The following PRAG1 variants were observed in gnomAD, a reference collection of about 807,000 sequenced individuals.
PRAG1 encodes PEAK1 related, kinase-activating pseudokinase 1.
A neutral mutation model predicts 95.6 loss-of-function variants in PRAG1; 110 were observed. The ratio of observed to expected loss-of-function variants is 1.15; its 90% CI spans 0.99 to 1.35. PRAG1 has a LOEUF of 1.35. Among genes scored for constraint, PRAG1 ranks in the 40% most tolerant of loss-of-function variants. The probability of loss-of-function intolerance (pLI) is 0.00; values close to 1 mark genes in which losing one functional copy is unlikely to be tolerated. For missense variants in PRAG1, 2,554 were observed against 1,864.7 expected, an observed-to-expected ratio of 1.37 and a Z score of -6.81; for synonymous variants, 1,052 against 819.4, an observed-to-expected ratio of 1.28 and a Z score of -4.85.
intron 3 of PRAG1, among the ~76,000 whole-genome samples, chr8:8,346,835 C>T (rs1448949280): frequency 6.6e-6 from 1 of 152,206 alleles, no homozygotes; most frequent in African/African-American, 2.4e-5. Flanking sequence ...GGTTCACATA[C>T]ATTTGGCCGA....
At chr8:8,364,909 G>C (rs1266199985) in intron 3 of PRAG1, among the ~76,000 whole-genome samples, 1 of 152,110 alleles carries the variant, frequency 6.6e-6, no homozygotes, top group African/African-American at 2.4e-5. Flanking sequence ...ACACAGACAA[G>C]CATTGAGAGT....
intron 3 of PRAG1, among the ~76,000 whole-genome samples, chr8:8,341,254 G>A (rs147629228): frequency 6.6e-5 from 10 of 152,134 alleles, no homozygotes; most frequent in Admixed American, 2.0e-4. Flanking sequence ...CAAACTTCAT[G>A]AAATGTATGT....
chr8:8,354,197 T>A (rs926792614), intron 3 of PRAG1, among the ~76,000 whole-genome samples: 1 of 152,082 alleles, frequency 6.6e-6, no homozygotes, highest in African/African-American at 2.4e-5. Context: ...AATGGATAAA[T>A]TCCTAGATTC....
At position 8,328,390 on chromosome 8, in the gene PRAG1, A is replaced by T. The variant is rs771400118; in HGVS notation, c.2392T>A (p.Ser798Thr). The change falls in exon 5 of 6, where the codon TCA becomes ACA. Residue 798 changes from serine (S) to threonine (T), a missense_variant. Ser to Thr is a moderately conservative substitution (Grantham distance 58, BLOSUM62 1). Transcript: ENST00000615670. ...KKLFAPVPFP[S>T]GSTEDVSPSG... ...GGGGACACGTCCTCAGTGGAGCCTG[A>T]AGGAAACGGAACGGGAGCAAAGAGC... The T allele has an allele frequency of 1.4e-5, 22 of 1,613,602 alleles. No individual in the cohort carries two copies. Among genetic ancestry groups the T allele is most frequent in the Non-Finnish European group, 1.6e-5 (19 of 1,180,004 alleles).
chr8:8,333,125 G>C (rs2117129289), intron 4 of PRAG1, among the ~76,000 whole-genome samples: 1 of 152,342 alleles, frequency 6.6e-6, no homozygotes, highest in South Asian at 2.1e-4. Flanking sequence ...GTGTTGGATT[G>C]CTGTTTCCAA....
Position 8,318,114 on chromosome 8 carries a change from G to A in PRAG1, c.*40C>T. ...TCCAAGGCGAGACAGGAAAGGGTTA[G>A]GCAGGGAAGGGGCAGCGACGGTGCA... On this transcript the variant is annotated 3_prime_UTR_variant, in exon 6 of 6. Coordinates refer to ENST00000615670, the MANE Select transcript of PRAG1 (RefSeq NM_001080826.3). The surrounding 1 kb of genome is among the most constrained non-coding windows in gnomAD (Gnocchi z 4.2). 3 of 1,568,508 alleles carry A rather than the reference G, an allele frequency of 1.9e-6. No individual in the cohort carries two copies. Among genetic ancestry groups the A allele is most frequent in the Non-Finnish European group, 1.7e-6 (2 of 1,157,242 alleles).
rs773565395 is a variant in PRAG1 at position 8,318,894 on chromosome 8, C to G, written c.3481G>C (p.Gly1161Arg). 6 of 1,469,462 alleles carry G rather than the reference C, an allele frequency of 4.1e-6. No homozygotes were observed. In the South Asian group the frequency reaches 5.5e-5, roughly 13 times the overall value. The allele number at this position is 1,469,462 out of a possible 1,614,324, so 91.0% of individuals were successfully genotyped here. A position where few individuals can be genotyped will look rare whatever the true frequency, so the allele number is the denominator to read the frequency against. The change falls in exon 6 of 6, where the codon GGC becomes CGC. Residue 1161 changes from glycine (G) to arginine (R), a missense_variant. Transcript: ENST00000615670. This position sits in a 1 kb window ranked among gnomAD's most constrained non-coding sequence, Gnocchi z 4.2. Reference sequence around the variant, plus strand: ...GCGGGGGCGGGGGCGGGCCCGGGGCCGGCCTGGAGGGTGCAGTGCACCAGC... The same window carrying G: ...GCGGGGGCGGGGGCGGGCCCGGGGCGGGCCTGGAGGGTGCAGTGCACCAGC... Reference protein sequence around the residue: ...LLLVHCTLQAGPGPAPAPAPA... With the variant: ...LLLVHCTLQARPGPAPAPAPA...
At position 8,347,585 on chromosome 8, in the gene PRAG1, C is replaced by G. The variant is rs1585243956; in HGVS notation, c.2163-7950G>C. Among the ~76,000 whole-genome samples, 3 of 136,606 alleles carry G rather than the reference C, an allele frequency of 2.2e-5. No homozygotes were observed. The East Asian group carries it at 5.8e-4, about 26-fold the overall frequency. 89.6% of individuals were successfully genotyped at this position (136,606 alleles called of 152,430 possible). On this transcript the variant is annotated intron_variant, in intron 3 of 5. Coordinates refer to ENST00000615670, the MANE Select transcript of PRAG1 (RefSeq NM_001080826.3). The stretch of plus-strand genomic sequence containing the variant: ...CGAGTTTTCTTGGTGGATAAGAACA[C>G]TCTGTTTTTAACTTATCATATGCCT...
At chr8:8,354,185 AAAATGGAT>A (rs1361305321) in intron 3 of PRAG1, among the ~76,000 whole-genome samples, 4 of 152,150 alleles carry the variant, frequency 2.6e-5, no homozygotes, top group African/African-American at 9.6e-5. Context: ...TGACAGAGAG[AAAATGGAT>A]AAATTCCTAG....
intron 2 of PRAG1, among the ~76,000 whole-genome samples, chr8:8,380,852 C>CAA (rs71217290): frequency 8.4e-4 from 54 of 64,358 alleles, no homozygotes; most frequent in African/African-American, 1.9e-3. Context: ...GACTCCATCT[C>CAA]AAAAAAAAAA....
intron 3 of PRAG1, among the ~76,000 whole-genome samples, chr8:8,360,693 C>G (rs978623054): frequency 2.0e-5 from 3 of 152,246 alleles, no homozygotes; most frequent in Non-Finnish European, 4.4e-5. Context: ...CTTTCTTGGT[C>G]TAAATCTGCA....
Position 8,318,310 on chromosome 8 carries a change from G to A in PRAG1, c.4065C>T (p.Ile1355=), listed in dbSNP as rs1156293459. 4 of 1,614,168 alleles carry A rather than the reference G, an allele frequency of 2.5e-6. No homozygotes were observed. Among genetic ancestry groups the A allele is most frequent in the Non-Finnish European group, 3.4e-6 (4 of 1,179,994 alleles). Residue 1355 remains isoleucine (I), a synonymous_variant, in exon 6 of 6, where the codon ATC becomes ATT. Transcript: ENST00000615670. The surrounding 1 kb of genome is among the most constrained non-coding windows in gnomAD (Gnocchi z 4.2). The part of the protein sequence containing the change: ...EALCGTLHNW[I]DMKRALMMMK... ...TCATCATCAGGGCCCGCTTCATGTC[G>A]ATCCAGTTGTGCAGCGTGCCGCACA...
intron 3 of PRAG1, among the ~76,000 whole-genome samples, chr8:8,340,482 C>A (rs760847726): frequency 3.9e-5 from 6 of 152,264 alleles, no homozygotes; most frequent in Non-Finnish European, 7.3e-5. Flanking sequence ...TCCAGCTCTT[C>A]CCCTGCTGGT....
In PRAG1 at chr8:8,353,624, T is replaced by C. The variant is rs550325834; in HGVS notation, c.2163-13989A>G. Reference sequence around the variant, plus strand: ...AAAGAAAGATCCCAAATAAATAGTATAACATTATATACCTCAAAGAAGTAG... The same window carrying C: ...AAAGAAAGATCCCAAATAAATAGTACAACATTATATACCTCAAAGAAGTAG... On this transcript the variant is annotated intron_variant, in intron 3 of 5. Transcript: ENST00000615670. Among the ~76,000 whole-genome samples the C allele has an allele frequency of 2.0e-5, 3 of 152,242 alleles. No individual in the cohort carries two copies. In the East Asian group the frequency reaches 5.8e-4, roughly 29 times the overall value.
Position 8,376,418 on chromosome 8 carries a change from T to G in PRAG1, c.1991A>C (p.Asp664Ala). ...WGRETKNGPT[D>A]HSNSTTWHRL... Reference sequence around the variant, plus strand: ...GTGCCAGGTCGTGGAGTTTGAATGGTCCGTGGGGCCATTTTTGGTCTCTCT... The same window carrying G: ...GTGCCAGGTCGTGGAGTTTGAATGGGCCGTGGGGCCATTTTTGGTCTCTCT... Residue 664 changes from aspartate (D) to alanine (A), a missense_variant, in exon 3 of 6, where the codon GAC becomes GCC. Asp to Ala is a moderately radical substitution (Grantham distance 126). Coordinates refer to ENST00000615670, the MANE Select transcript of PRAG1 (RefSeq NM_001080826.3). 2 of 1,614,184 alleles carry G rather than the reference T, an allele frequency of 1.2e-6. No individual in the cohort carries two copies. Among genetic ancestry groups the G allele is most frequent in the South Asian group, 2.2e-5 (2 of 91,082 alleles).
intron 3 of PRAG1, among the ~76,000 whole-genome samples, chr8:8,353,800 C>A (rs1294726930): frequency 6.6e-6 from 1 of 151,448 alleles, no homozygotes; most frequent in African/African-American, 2.4e-5. Flanking sequence ...GAGTGAGGCC[C>A]TGTTTCAAAA....
Position 8,377,850 on chromosome 8 carries a change from C to A in PRAG1, c.559G>T (p.Ala187Ser), listed in dbSNP as rs746814958. The change falls in exon 3 of 6, where the codon GCT becomes TCT. Residue 187 changes from alanine (A) to serine (S), a missense_variant. Coordinates refer to ENST00000615670, the MANE Select transcript of PRAG1 (RefSeq NM_001080826.3). ...AATGAGGGTTTTTCTTTGTGCACAG[C>A]CTTCTCCTCCGGGAAGCTCACCGGG... The part of the protein sequence containing the change: ...FHPVSFPEEK[A>S]VHKEKPSFPY... 1.2e-6 allele frequency: 2 copies of A among 1,614,028 alleles called. No individual in the cohort carries two copies. Among genetic ancestry groups the A allele is most frequent in the African/African-American group, 2.7e-5 (2 of 74,932 alleles).
intron 3 of PRAG1, among the ~76,000 whole-genome samples, chr8:8,349,226 A>T (rs1799440270): frequency 6.6e-6 from 1 of 152,264 alleles, no homozygotes; most frequent in Non-Finnish European, 1.5e-5. Flanking sequence ...AGAAAGGCAG[A>T]TAACTAAGCT....
chr8:8,374,750 G>A (rs746029697), intron 3 of PRAG1: 13 of 976,372 alleles, frequency 1.3e-5, no homozygotes, highest in African/African-American at 7.0e-5. Flanking sequence ...CATGGTGGGC[G>A]GCCAGTGCAA....
Sources: gnomAD v4.1 joint callset for allele counts (sites outside exome capture counted in the v4.1 genomes callset) on GRCh38, gnomAD v4.1.1 for gene constraint, Gnocchi (gnomAD v3.1) non-coding constraint, MANE v1.5 for transcripts, NCBI Gene and HGNC (gene_info 2026-07-23, HGNC 2026-07-21) for gene names.